Variants in PCSK2 observed in about 807,000 individuals in gnomAD.
PCSK2 encodes the protein neuroendocrine convertase 2.
Under a neutral mutation model 69.7 loss-of-function variants are expected in PCSK2, and 14 were observed. The ratio of observed to expected loss-of-function variants is 0.20; its 90% CI spans 0.13 to 0.31. The LOEUF is 0.31. PCSK2 is among the 10% of genes least tolerant of loss of function. The probability of loss-of-function intolerance (pLI) is 1.00; values close to 1 mark genes in which losing one functional copy is unlikely to be tolerated. For synonymous variants in PCSK2, 307 were observed against 320.7 expected (o/e 0.96, Z 0.46); for missense variants, 544 against 842.5 (o/e 0.65, Z 4.39).
chr20:17,267,552 G>T (rs867546190), intron 2 of PCSK2, among the ~76,000 whole-genome samples: 25 of 152,296 alleles, frequency 1.6e-4, no homozygotes, highest in African/African-American at 5.1e-4. Context: ...GCTGCTGCTG[G>T]TGCTATAATT....
At chr20:17,257,260 A>C (rs1055256351) in intron 1 of PCSK2, among the ~76,000 whole-genome samples, 2 of 152,208 alleles carry the variant, frequency 1.3e-5, no homozygotes, top group African/African-American at 4.8e-5. Flanking sequence ...ATCATTAAAC[A>C]GCCAGGAAAC....
intron 2 of PCSK2, among the ~76,000 whole-genome samples, chr20:17,265,474 A>G (rs1987563230): frequency 6.6e-6 from 1 of 152,232 alleles, no homozygotes; most frequent in Non-Finnish European, 1.5e-5. Flanking sequence ...GAAGGAAAAA[A>G]ATAAAGCATA....
intron 10 of PCSK2, among the ~76,000 whole-genome samples, chr20:17,457,104 A>T (rs1446369087): frequency 6.6e-6 from 1 of 152,114 alleles, no homozygotes; most frequent in Non-Finnish European, 1.5e-5. Flanking sequence ...GTACCTGCCC[A>T]CCTGCTACTC....
At chr20:17,473,147 G>A (rs968024130) in intron 11 of PCSK2, among the ~76,000 whole-genome samples, 8 of 136,450 alleles carry the variant, frequency 5.9e-5, no homozygotes, top group Admixed American at 2.4e-4. Context: ...AGGCTGGAGT[G>A]CAGTAGCGTG....
At chr20:17,231,473 G>A (rs1986140615) in intron 1 of PCSK2, among the ~76,000 whole-genome samples, 1 of 152,068 alleles carries the variant, frequency 6.6e-6, no homozygotes, top group Non-Finnish European at 1.5e-5. Context: ...TTGTTTTCAG[G>A]TTTTAGCTAT....
intron 8 of PCSK2, among the ~76,000 whole-genome samples, chr20:17,445,689 C>T (rs1035013093): frequency 2.0e-5 from 3 of 152,232 alleles, no homozygotes; most frequent in East Asian, 3.9e-4. Context: ...ACCATGGCGG[C>T]GAGTGCCAGG....
chr20:17,365,115 T>C (rs1273359548), intron 4 of PCSK2, among the ~76,000 whole-genome samples: 1 of 152,158 alleles, frequency 6.6e-6, no homozygotes, highest in East Asian at 1.9e-4. Context: ...AACAGAGATG[T>C]ATTTCTCACA....
chr20:17,392,188 G>A (rs921681912), intron 5 of PCSK2, among the ~76,000 whole-genome samples: 3 of 152,104 alleles, frequency 2.0e-5, no homozygotes, highest in African/African-American at 7.2e-5. Flanking sequence ...TGGCCCTGAA[G>A]GAAACTACGC....
chr20:17,393,550 T>C (rs2031438527), intron 5 of PCSK2, among the ~76,000 whole-genome samples: 1 of 152,172 alleles, frequency 6.6e-6, no homozygotes, highest in African/African-American at 2.4e-5. Flanking sequence ...TTCAAAAAGA[T>C]GAATATTTTT....
Position 17,227,395 on chromosome 20 carries a change from C to T in PCSK2, c.90C>T (p.Phe30=). ...TTGCATCTGCTGAGCGACCGGTCTT[C>T]ACGAATCATTTTCTTGTGGAGTTGC... is the stretch of plus-strand genomic sequence containing the variant. ...MVFASAERPV[F]TNHFLVELHK... is the part of the protein sequence containing the mutation. Residue 30 remains phenylalanine (F), a synonymous_variant, in exon 1 of 12, where the codon TTC becomes TTT. Transcript: ENST00000262545. 6.2e-7 allele frequency: 1 copy of T among 1,613,830 alleles called. No individual in the cohort carries two copies. Among genetic ancestry groups the T allele is most frequent in the East Asian group, 2.2e-5 (1 of 44,836 alleles).
Position 17,239,915 on chromosome 20 carries a change from G to A in PCSK2, c.177+12433G>A, listed in dbSNP as rs146970732. Among the ~76,000 whole-genome samples, 330 of 139,946 alleles carry A rather than the reference G, an allele frequency of 2.4e-3. 2 individuals are homozygous for A. The highest frequency in any genetic ancestry group is 8.1e-3 in the African/African-American group (292 of 35,918). The allele number at this position is 139,946 out of a possible 152,430, so 91.8% of individuals were successfully genotyped here. ...TGTTGCCAGGCTGGAGTGCAATGGC[G>A]CGATCTCAGCTCACTGCAACCTCCG... On this transcript the variant is annotated intron_variant, in intron 1 of 11. Coordinates refer to ENST00000262545, the MANE Select transcript of PCSK2 (RefSeq NM_002594.5).
chr20:17,298,544 T>C (rs2123082547), intron 2 of PCSK2, among the ~76,000 whole-genome samples: 1 of 152,298 alleles, frequency 6.6e-6, no homozygotes, highest in East Asian at 1.9e-4. Flanking sequence ...GGCAGGAAAA[T>C]TCCATTTTAG....
intron 7 of PCSK2, among the ~76,000 whole-genome samples, chr20:17,433,339 T>A (rs2032406237): frequency 6.6e-6 from 1 of 152,214 alleles, no homozygotes; most frequent in Non-Finnish European, 1.5e-5. Context: ...TCACTGTAAG[T>A]ACAATGACTA....
chr20:17,344,829 G>T (rs571595157), intron 2 of PCSK2, among the ~76,000 whole-genome samples: 1 of 152,034 alleles, frequency 6.6e-6, no homozygotes, highest in South Asian at 2.1e-4. Flanking sequence ...CCTCCTTTCT[G>T]TGATGGTGCC....
At chr20:17,441,680 C>T (rs913150685) in intron 8 of PCSK2, among the ~76,000 whole-genome samples, 2 of 151,916 alleles carry the variant, frequency 1.3e-5, no homozygotes, top group African/African-American at 4.8e-5. Context: ...ACCATGAGAT[C>T]TCATGAGATC....
At chr20:17,422,665 A>T (rs914313857) in intron 6 of PCSK2, among the ~76,000 whole-genome samples, 1 of 152,140 alleles carries the variant, frequency 6.6e-6, no homozygotes, top group Non-Finnish European at 1.5e-5. Context: ...AAGAAGAAGA[A>T]GATGAGGTTG....
intron 2 of PCSK2, among the ~76,000 whole-genome samples, chr20:17,287,711 A>C (rs1460327452): frequency 6.6e-6 from 1 of 152,194 alleles, no homozygotes; most frequent in East Asian, 1.9e-4. Context: ...GTCCTTTCTC[A>C]GGAGAGCACC....
chr20:17,245,538 C>T (rs1014199711), intron 1 of PCSK2, among the ~76,000 whole-genome samples: 4 of 152,194 alleles, frequency 2.6e-5, no homozygotes, highest in Non-Finnish European at 5.9e-5. Flanking sequence ...GAGTAGTTAA[C>T]TTCTTCTCTT....
intron 2 of PCSK2, among the ~76,000 whole-genome samples, chr20:17,283,013 G>A (rs990388508): frequency 6.6e-6 from 1 of 152,118 alleles, no homozygotes; most frequent in African/African-American, 2.4e-5. Flanking sequence ...CTTAAGAGTG[G>A]TGGCTTAGAC....
Sources: gnomAD v4.1 joint callset for allele counts (sites outside exome capture counted in the v4.1 genomes callset) on GRCh38, gnomAD v4.1.1 for gene constraint, MANE v1.5 for transcripts, NCBI Gene and HGNC (gene_info 2026-07-23, HGNC 2026-07-21) for gene names.